PDE8B: variants seen among roughly 807,000 people sequenced by gnomAD.
PDE8B encodes the protein high affinity cAMP-specific and IBMX-insensitive 3',5'-cyclic phosphodiesterase 8B.
PDE8B carries 26 observed loss-of-function variants against 101.3 expected under a neutral mutation model. The ratio of observed to expected loss-of-function variants is 0.26; its 90% CI spans 0.19 to 0.36. The LOEUF (loss-of-function observed/expected upper bound fraction) is 0.36, where lower values mean the gene tolerates loss of function less well. Ranked by LOEUF, PDE8B falls within the 10% of genes least tolerant of loss-of-function variation. The probability of loss-of-function intolerance (pLI) is 1.00; values close to 1 mark genes in which losing one functional copy is unlikely to be tolerated. For synonymous variants in PDE8B, 424 were observed against 429.3 expected (o/e 0.99, Z 0.15); for missense variants, 810 against 1,163.1 (o/e 0.70, Z 4.42).
chr5:77,266,309 C>T (rs1012790065), intron 1 of PDE8B, among the ~76,000 whole-genome samples: 1 of 152,210 alleles, frequency 6.6e-6, no homozygotes, highest in African/African-American at 2.4e-5. Flanking sequence ...CCTATTTTAG[C>T]TCTAATACTA....
chr5:77,290,538 G>T lies in PDE8B; in HGVS notation c.340-21456G>T, dbSNP rs544074637. 7 of 1,478,182 alleles carry T rather than the reference G, an allele frequency of 4.7e-6. No individual in the cohort carries two copies. In the East Asian group the frequency reaches 6.8e-5, roughly 14 times the overall value. The allele number at this position is 1,478,182 out of a possible 1,614,324, so 91.6% of individuals were successfully genotyped here. ...AGGAGAAATAGTAAGACAGATTGAC[G>T]ATGCCTTGTGGGAGAAGATCCAAGT... On this transcript the variant is annotated intron_variant, in intron 1 of 21. Coordinates refer to ENST00000264917, the MANE Select transcript of PDE8B (RefSeq NM_003719.5).
At chr5:77,245,553 T>C (rs1255366718) in intron 1 of PDE8B, among the ~76,000 whole-genome samples, 1 of 152,118 alleles carries the variant, frequency 6.6e-6, no homozygotes, top group African/African-American at 2.4e-5. Flanking sequence ...AGTGAGATGA[T>C]TATTATTGGG....
intron 1 of PDE8B, chr5:77,246,954 CA>C (rs1757072997): frequency 6.6e-6 from 1 of 152,154 alleles, no homozygotes; most frequent in South Asian, 2.1e-4. Context: ...GCTCATATTT[CA>C]TATTTATAAA....
the PDE8B span, among the ~76,000 whole-genome samples, chr5:77,118,001 C>G: frequency 6.6e-6 from 1 of 152,052 alleles, no homozygotes; most frequent in Non-Finnish European, 1.5e-5. Context: ...GTGGTGCAAT[C>G]TCGGCTCACT....
intron 10 of PDE8B, among the ~76,000 whole-genome samples, chr5:77,383,079 C>T (rs1024231534): frequency 8.5e-5 from 13 of 152,196 alleles, no homozygotes; most frequent in African/African-American, 2.9e-4. Flanking sequence ...TCCTATTTCT[C>T]CACATCCTCT....
the PDE8B span, among the ~76,000 whole-genome samples, chr5:77,157,465 C>T: frequency 1.3e-5 from 2 of 152,142 alleles, no homozygotes; most frequent in African/African-American, 4.8e-5. Flanking sequence ...GCCAGCTCTG[C>T]TCTGTATAGA....
chr5:77,276,577 C>A (rs1272866489), intron 1 of PDE8B, among the ~76,000 whole-genome samples: 1 of 152,168 alleles, frequency 6.6e-6, no homozygotes, highest in Non-Finnish European at 1.5e-5. Flanking sequence ...CTCATTCGTT[C>A]ATGCCTTCAT....
intron 10 of PDE8B, among the ~76,000 whole-genome samples, chr5:77,393,545 A>G (rs919855202): frequency 8.5e-5 from 13 of 152,244 alleles, no homozygotes; most frequent in African/African-American, 2.9e-4. Flanking sequence ...AAAAAATTAC[A>G]GGACCAATTT....
chr5:77,244,943 G>A (rs1393828142), intron 1 of PDE8B, among the ~76,000 whole-genome samples: 1 of 152,146 alleles, frequency 6.6e-6, no homozygotes, highest in African/African-American at 2.4e-5. Flanking sequence ...CATAGGAGAG[G>A]CAAGACCCTA....
At chr5:77,272,001 G>A (rs767020238) in intron 1 of PDE8B, among the ~76,000 whole-genome samples, 22 of 152,270 alleles carry the variant, frequency 1.4e-4, no homozygotes, top group South Asian at 8.3e-4. Flanking sequence ...TCAACTCTCA[G>A]CCACATCCTC....
At chr5:77,362,485 C>T (rs1370385942) in intron 10 of PDE8B, among the ~76,000 whole-genome samples, 4 of 152,180 alleles carry the variant, frequency 2.6e-5, no homozygotes, top group South Asian at 2.1e-4. Flanking sequence ...TCCTGACCTC[C>T]GCTTTATATC....
the PDE8B span, among the ~76,000 whole-genome samples, chr5:77,098,407 C>T: frequency 6.6e-6 from 1 of 152,074 alleles, no homozygotes; most frequent in East Asian, 1.9e-4. Context: ...CCTCAGCCTC[C>T]CAAGCAGCTG....
chr5:77,235,703 C>G (rs1754521438), intron 1 of PDE8B, among the ~76,000 whole-genome samples: 1 of 151,952 alleles, frequency 6.6e-6, no homozygotes, highest in Non-Finnish European at 1.5e-5. Flanking sequence ...TTCTTCATAT[C>G]CTTCTCTTTT....
At chr5:77,274,280 G>C (rs763448666) in intron 1 of PDE8B, among the ~76,000 whole-genome samples, 4 of 152,166 alleles carry the variant, frequency 2.6e-5, no homozygotes, top group Non-Finnish European at 5.9e-5. Context: ...AGGTAAATAA[G>C]CTGAGGTTCA....
the PDE8B span, chr5:77,087,187 C>T: frequency 6.6e-6 from 1 of 152,398 alleles, no homozygotes; most frequent in Non-Finnish European, 1.5e-5. Flanking sequence ...CCAGGCGCCT[C>T]GCTGACATTT....
Position 77,319,833 on chromosome 5 carries a change from G to A in PDE8B, c.400-5706G>A, listed in dbSNP as rs571776273. Among the ~76,000 whole-genome samples the A allele has an allele frequency of 4.5e-4, 69 of 152,324 alleles. 1 individual carries two copies. Among genetic ancestry groups the A allele is most frequent in the Admixed American group, 1.7e-3 (26 of 15,302 alleles). Reference sequence around the variant, plus strand: ...TCCAAAGTTAGGAGTATGACAATTTGCCAAGGCATAGGAAAGATGCTCACT... The same window carrying A: ...TCCAAAGTTAGGAGTATGACAATTTACCAAGGCATAGGAAAGATGCTCACT... On this transcript the variant is annotated intron_variant, in intron 2 of 21. Transcript: ENST00000264917.
At chr5:77,285,773 A>G (rs1482929373) in intron 1 of PDE8B, among the ~76,000 whole-genome samples, 1 of 150,742 alleles carries the variant, frequency 6.6e-6, no homozygotes, top group African/African-American at 2.4e-5. Flanking sequence ...GTCTCTGTTT[A>G]TTTTTTTCAA....
At chr5:77,313,279 A>G (rs1773082910) in intron 2 of PDE8B, among the ~76,000 whole-genome samples, 1 of 152,102 alleles carries the variant, frequency 6.6e-6, no homozygotes, top group African/African-American at 2.4e-5. Flanking sequence ...GGAAAAAGAA[A>G]TGCAAATCTA....
At chr5:77,406,054 A>C (rs1793367547) in intron 12 of PDE8B, among the ~76,000 whole-genome samples, 2 of 152,186 alleles carry the variant, frequency 1.3e-5, no homozygotes, top group South Asian at 4.1e-4. Flanking sequence ...TGGGAGGCTG[A>C]GGCAGGCGGA....
Sources: gnomAD v4.1 joint callset for allele counts (sites outside exome capture counted in the v4.1 genomes callset) on GRCh38, gnomAD v4.1.1 for gene constraint, MANE v1.5 for transcripts, NCBI Gene and HGNC (gene_info 2026-07-23, HGNC 2026-07-21) for gene names.